The following PDE4B variants were observed in gnomAD, a reference collection of about 807,000 sequenced individuals.
PDE4B encodes the protein phosphodiesterase 4B, also known as 3',5'-cyclic-AMP phosphodiesterase 4B.
A neutral mutation model predicts 82.2 loss-of-function variants in PDE4B; 20 were observed. The ratio of observed to expected loss-of-function variants is 0.24; its 90% CI spans 0.17 to 0.35. The LOEUF (loss-of-function observed/expected upper bound fraction) is 0.35, where lower values mean the gene tolerates loss of function less well. PDE4B is among the 10% of genes least tolerant of loss of function. The probability of loss-of-function intolerance (pLI) is 1.00; values close to 1 mark genes in which losing one functional copy is unlikely to be tolerated. For missense variants in PDE4B, 655 were observed against 907.2 expected (o/e 0.72, Z 3.57); for synonymous variants, 320 against 318.9 (o/e 1.00, Z -0.04).
chr1:66,234,409 C>G (rs1652236427), intron 3 of PDE4B, among the ~76,000 whole-genome samples: 2 of 152,148 alleles, frequency 1.3e-5, no homozygotes, highest in Non-Finnish European at 2.9e-5. Flanking sequence ...CCGCTTCAGC[C>G]TCCCATGTAG....
chr1:65,901,385 T>A (rs1646970563), intron 1 of PDE4B, among the ~76,000 whole-genome samples: 1 of 152,116 alleles, frequency 6.6e-6, no homozygotes. Flanking sequence ...TGCATATATG[T>A]TAATTAGGCA....
intron 1 of PDE4B, among the ~76,000 whole-genome samples, chr1:65,832,610 T>C (rs1395968233): frequency 6.6e-6 from 1 of 152,152 alleles, no homozygotes; most frequent in Non-Finnish European, 1.5e-5. Context: ...CAGATACCAA[T>C]TCAAAGATCA....
At chr1:66,174,953 G>A (rs1475787274) in intron 3 of PDE4B, among the ~76,000 whole-genome samples, 3 of 152,174 alleles carry the variant, frequency 2.0e-5, no homozygotes, top group Non-Finnish European at 4.4e-5. Flanking sequence ...GCAGGAGAGA[G>A]AGAGGGAGGA....
At chr1:66,339,192 T>C (rs1660772284) in intron 8 of PDE4B, among the ~76,000 whole-genome samples, 1 of 152,214 alleles carries the variant, frequency 6.6e-6, no homozygotes, top group Non-Finnish European at 1.5e-5. Flanking sequence ...GGAAGTAACA[T>C]GTCCACTGTT....
At chr1:65,953,521 A>T (rs1328999325) in intron 3 of PDE4B, among the ~76,000 whole-genome samples, 2 of 152,106 alleles carry the variant, frequency 1.3e-5, no homozygotes, top group Non-Finnish European at 2.9e-5. Context: ...CAAATCCATG[A>T]GTGAGGTAGT....
intron 7 of PDE4B, among the ~76,000 whole-genome samples, chr1:66,283,608 T>C (rs1002615548): frequency 1.2e-4 from 18 of 152,136 alleles, no homozygotes; most frequent in African/African-American, 4.3e-4. Flanking sequence ...AAGTATAATT[T>C]GGAATTTTTT....
intron 3 of PDE4B, chr1:65,992,746 A>G: frequency 7.3e-7 from 1 of 1,376,154 alleles, no homozygotes; most frequent in Non-Finnish European, 9.4e-7. Flanking sequence ...TTCTTCGAGT[A>G]TGCTGCTCTT....
intron 1 of PDE4B, among the ~76,000 whole-genome samples, chr1:65,867,412 A>G (rs1646524179): frequency 6.6e-6 from 1 of 152,324 alleles, no homozygotes; most frequent in East Asian, 1.9e-4. Context: ...ATTTCTTTTA[A>G]CTTTGGAATG....
At chr1:66,165,866 CT>C (rs1035068370) in intron 3 of PDE4B, among the ~76,000 whole-genome samples, 2 of 150,436 alleles carry the variant, frequency 1.3e-5, no homozygotes, top group South Asian at 2.1e-4. Context: ...CAGTTGCTTT[CT>C]TTTTTTTGGA....
intron 3 of PDE4B, among the ~76,000 whole-genome samples, chr1:66,114,554 G>T (rs922149930): frequency 6.6e-6 from 1 of 150,790 alleles, no homozygotes; most frequent in African/African-American, 2.4e-5. Flanking sequence ...AGAATAAAAA[G>T]AAACCCCTTA....
chr1:65,885,782 G>A (rs577385767), intron 1 of PDE4B, among the ~76,000 whole-genome samples: 2 of 151,692 alleles, frequency 1.3e-5, no homozygotes, highest in South Asian at 2.1e-4. Flanking sequence ...AATGGGTGCA[G>A]CACACCAACA....
intron 1 of PDE4B, among the ~76,000 whole-genome samples, chr1:65,847,587 G>A (rs1383092439): frequency 2.0e-5 from 3 of 152,186 alleles, no homozygotes; most frequent in Non-Finnish European, 4.4e-5. Flanking sequence ...TCTCTAAAGC[G>A]TGGTGACCTG....
At chr1:66,279,377 G>A (rs499320) in intron 7 of PDE4B, among the ~76,000 whole-genome samples, 93,242 of 151,942 alleles carry the variant, frequency 0.61, 29,156 homozygotes, top group African/African-American at 0.69. Context: ...AGTTTAAACC[G>A]TTTGGAAATA....
intron 3 of PDE4B, among the ~76,000 whole-genome samples, chr1:66,060,149 A>G (rs982215821): frequency 6.6e-6 from 1 of 152,198 alleles, no homozygotes; most frequent in Non-Finnish European, 1.5e-5. Flanking sequence ...GCAACAATTT[A>G]TATCTTGTGG....
intron 1 of PDE4B, among the ~76,000 whole-genome samples, chr1:65,912,169 T>C (rs1398377418): frequency 6.6e-6 from 1 of 152,206 alleles, no homozygotes; most frequent in Non-Finnish European, 1.5e-5. Context: ...TACATCTTTT[T>C]TCAGTTAAAT....
At chr1:66,123,746 G>A (rs1227876503) in intron 3 of PDE4B, among the ~76,000 whole-genome samples, 1 of 152,114 alleles carries the variant, frequency 6.6e-6, no homozygotes, top group East Asian at 1.9e-4. Flanking sequence ...AGTGCCTTTA[G>A]GCCAAGAGCA....
chr1:65,809,222 T>C (rs912370241), intron 1 of PDE4B, among the ~76,000 whole-genome samples: 5 of 150,318 alleles, frequency 3.3e-5, no homozygotes, highest in Admixed American at 2.7e-4. Flanking sequence ...TCCCAGCTAC[T>C]TGGGAGGCTT....
At chr1:66,070,405 G>T in intron 3 of PDE4B, among the ~76,000 whole-genome samples, 1 of 152,126 alleles carries the variant, frequency 6.6e-6, no homozygotes, top group South Asian at 2.1e-4. Flanking sequence ...GTATATGAGG[G>T]AATGGTAGAG....
At chr1:66,163,069 T>G (rs527516778) in intron 3 of PDE4B, among the ~76,000 whole-genome samples, 3 of 152,188 alleles carry the variant, frequency 2.0e-5, no homozygotes, top group Non-Finnish European at 4.4e-5. Context: ...TTTCTTACTG[T>G]AAGAGATTAG....
Sources: allele counts gnomAD v4.1 joint callset (sites outside exome capture counted in the v4.1 genomes callset), GRCh38; gene constraint gnomAD v4.1.1; transcripts MANE v1.5; gene names NCBI Gene and HGNC (gene_info 2026-07-23, HGNC 2026-07-21).